METTL8: variants seen among roughly 807,000 people sequenced by gnomAD.
METTL8 encodes the protein tRNA N(3)-cytidine methyltransferase METTL8, mitochondrial.
In METTL8, 32 loss-of-function variants were observed where a neutral mutation model predicts 48.7. That is an observed-to-expected ratio of 0.66 (90% CI 0.50 to 0.88). The LOEUF (loss-of-function observed/expected upper bound fraction) is 0.88, where lower values mean the gene tolerates loss of function less well. METTL8 is among the 40% of genes least tolerant of loss of function. The pLI, the probability that METTL8 is intolerant of heterozygous loss-of-function variation, is 0.00. For synonymous variants in METTL8, 136 were observed against 157.1 expected (o/e 0.87, Z 1.01); for missense variants, 464 against 474.4 (o/e 0.98, Z 0.20).
Position 171,316,455 on chromosome 2 carries a change from A to G in METTL8, c.*7717T>C, listed in dbSNP as rs1684268204. 6.6e-6 allele frequency among the ~76,000 whole-genome samples: 1 copy of G among 152,232 alleles called. No homozygotes were observed. The highest frequency in any genetic ancestry group is 1.5e-5 in the Non-Finnish European group (1 of 68,038). On this transcript the variant is annotated 3_prime_UTR_variant, in exon 10 of 10. Coordinates refer to ENST00000375258, the MANE Select transcript of METTL8 (RefSeq NM_001321154.2). Reference sequence around the variant, plus strand: ...GAAAGAAGCACCTGGAGAGTGAGTTAGGGAGAGAAAGCATGGAAGAAATGT... The same window carrying G: ...GAAAGAAGCACCTGGAGAGTGAGTTGGGGAGAGAAAGCATGGAAGAAATGT...
intron 2 of METTL8, among the ~76,000 whole-genome samples, chr2:171,364,278 A>T (rs1350717000): frequency 6.6e-6 from 1 of 152,178 alleles, no homozygotes; most frequent in Non-Finnish European, 1.5e-5. Flanking sequence ...ATAATTTTTT[A>T]AAAACTATAT....
chr2:171,408,296 G>T (rs867912028), intron 1 of METTL8, among the ~76,000 whole-genome samples: 1,272 of 127,108 alleles, frequency 0.01, 7 homozygotes, highest in Non-Finnish European at 0.011. Flanking sequence ...CAGTTTTTTT[G>T]TTTTTTTTTT....
At chr2:171,426,596 G>T (rs1161051508) in intron 1 of METTL8, among the ~76,000 whole-genome samples, 1 of 152,150 alleles carries the variant, frequency 6.6e-6, no homozygotes, top group Non-Finnish European at 1.5e-5. Flanking sequence ...AAATAAGAGG[G>T]TGAGTCTGCG....
intron 2 of METTL8, among the ~76,000 whole-genome samples, chr2:171,391,328 T>A (rs576442950): frequency 1.3e-5 from 2 of 152,344 alleles, no homozygotes; most frequent in South Asian, 2.1e-4. Context: ...CCAAAAAAAT[T>A]GTGTGACTCA....
Position 171,375,290 on chromosome 2 carries a change from G to A in METTL8, c.144-14777C>T, listed in dbSNP as rs1213479464. 2.8e-5 allele frequency: 23 copies of A among 827,006 alleles called. 1 individual carries two copies. Among genetic ancestry groups the A allele is most frequent in the South Asian group, 1.6e-4 (12 of 74,994 alleles). The allele number at this position is 827,006 out of a possible 1,614,324, so 51.2% of individuals were successfully genotyped here. On this transcript the variant is annotated intron_variant, in intron 2 of 9. Transcript: ENST00000375258. ...CTTTTCTTTGTCATCTTGGAGGCAC[G>A]GACCAGAGATATATGTTTATCTTTT...
chr2:171,339,367 G>T lies in METTL8; in HGVS notation c.423C>A (p.Phe141Leu), dbSNP rs779567642. Residue 141 changes from phenylalanine to leucine, a missense_variant, in exon 4 of 10, where the codon TTC becomes TTA. Phe to Leu is a conservative substitution (Grantham distance 22, BLOSUM62 0). Transcript: ENST00000375258. The part of the protein sequence containing the change: ...DHVKTSATNR[F>L]SRMHCPTVPD... Reference sequence around the variant, plus strand: ...GCACAGTAGGACAGTGCATTCTTGAGAAACGATTTGTAGCACTAGTTTTTA... The same window carrying T: ...GCACAGTAGGACAGTGCATTCTTGATAAACGATTTGTAGCACTAGTTTTTA... 7 of 1,613,046 alleles carry T rather than the reference G, an allele frequency of 4.3e-6. No individual in the cohort carries two copies. The African/African-American group carries it at 9.3e-5, about 22-fold the overall frequency.
upstream of METTL8, chr2:171,434,576 C>T (rs1266114780): frequency 2.6e-6 from 4 of 1,527,074 alleles, no homozygotes; most frequent in African/African-American, 2.8e-5. Context: ...GCCCGCGCCT[C>T]CATGGGCCCG....
chr2:171,389,545 G>A (rs1688396810), intron 2 of METTL8, among the ~76,000 whole-genome samples: 1 of 125,786 alleles, frequency 8.0e-6, no homozygotes, highest in African/African-American at 2.9e-5. Context: ...AAAAAAAAAT[G>A]CTGCTCCAGT....
rs371580866 is a variant in METTL8, at chr2:171,349,395, A to T, written c.236-9841T>A. 1.4e-4 allele frequency among the ~76,000 whole-genome samples: 21 copies of T among 152,278 alleles called. 1 individual carries two copies. Among genetic ancestry groups the T allele is most frequent in the African/African-American group, 5.1e-4 (21 of 41,556 alleles). On this transcript the variant is annotated intron_variant, in intron 3 of 9. Coordinates refer to ENST00000375258, the MANE Select transcript of METTL8 (RefSeq NM_001321154.2). ...GAATCTGACTACTTTAGATGTCTCA[A>T]ATAAGTGGAATCATACAGTATCTGT...
intron 1 of METTL8, among the ~76,000 whole-genome samples, chr2:171,406,989 A>C (rs1297545134): frequency 1.3e-5 from 2 of 151,864 alleles, no homozygotes; most frequent in Non-Finnish European, 2.9e-5. Context: ...TCTACTACCT[A>C]GTTTGTGGGG....
chr2:171,405,132 T>C (rs915976393), intron 1 of METTL8, among the ~76,000 whole-genome samples: 21 of 152,104 alleles, frequency 1.4e-4, no homozygotes, highest in African/African-American at 4.8e-4. Flanking sequence ...GATAATGAGT[T>C]CAATTTGCAC....
At chr2:171,398,964 T>G (rs1348387227) in intron 1 of METTL8, among the ~76,000 whole-genome samples, 1 of 152,194 alleles carries the variant, frequency 6.6e-6, no homozygotes, top group East Asian at 1.9e-4. Flanking sequence ...ATAAGGTGTT[T>G]CAGTTTTTTA....
chr2:171,428,615 G>A (rs1017761212), intron 1 of METTL8, among the ~76,000 whole-genome samples: 3 of 152,152 alleles, frequency 2.0e-5, no homozygotes, highest in African/African-American at 7.2e-5. Flanking sequence ...TGTAAAGCAG[G>A]GAGAATTATA....
chr2:171,351,498 A>G (rs887341950), intron 3 of METTL8, among the ~76,000 whole-genome samples: 19 of 152,210 alleles, frequency 1.2e-4, no homozygotes, highest in African/African-American at 4.6e-4. Context: ...AATTCTGTGA[A>G]GAAAGTCATT....
chr2:171,342,893 G>A lies in METTL8; in HGVS notation c.236-3339C>T, dbSNP rs115968749. 3.0e-3 allele frequency among the ~76,000 whole-genome samples: 456 copies of A among 152,208 alleles called. 2 individuals are homozygous for A. The highest frequency in any genetic ancestry group is 1.0e-2 in the African/African-American group (415 of 41,524). ...TAACCTAATAAAAGATGTGCATAGC[G>A]GCCAGGCGAGGTGGCTCATGCCTGT... is the stretch of plus-strand genomic sequence containing the variant. On this transcript the variant is annotated intron_variant, in intron 3 of 9. Transcript: ENST00000375258.
chr2:171,342,578 C>G (rs1258058734), intron 3 of METTL8, among the ~76,000 whole-genome samples: 2 of 151,728 alleles, frequency 1.3e-5, no homozygotes, highest in African/African-American at 4.8e-5. Context: ...TCAAATTTCT[C>G]CAGGGTCTTC....
chr2:171,426,184 A>G (rs1217439922), intron 1 of METTL8, among the ~76,000 whole-genome samples: 2 of 152,138 alleles, frequency 1.3e-5, no homozygotes, highest in Admixed American at 6.5e-5. Context: ...AACAAAAAAC[A>G]TGAAAGAAAC....
intron 3 of METTL8, among the ~76,000 whole-genome samples, chr2:171,355,963 G>A (rs1684491631): frequency 6.6e-6 from 1 of 152,146 alleles, no homozygotes. Flanking sequence ...TCCGTGGGCT[G>A]CATCCACTGT....
chr2:171,396,482 A>G (rs895119370), intron 1 of METTL8, among the ~76,000 whole-genome samples: 4 of 152,072 alleles, frequency 2.6e-5, no homozygotes, highest in Non-Finnish European at 5.9e-5. Context: ...ATGTAATGTC[A>G]TGTATGGCAT....
Sources: allele counts gnomAD v4.1 joint callset (sites outside exome capture counted in the v4.1 genomes callset), GRCh38; gene constraint gnomAD v4.1.1; transcripts MANE v1.5; gene names NCBI Gene and HGNC (gene_info 2026-07-23, HGNC 2026-07-21).